Variants in ADCY5 observed in about 807,000 individuals in gnomAD.
ADCY5 encodes adenylate cyclase 5, also known as adenylate cyclase type 5.
A neutral mutation model predicts 119.7 loss-of-function variants in ADCY5; 30 were observed. That is an observed-to-expected ratio of 0.25 (90% CI 0.19 to 0.34). The LOEUF (loss-of-function observed/expected upper bound fraction) is 0.34. ADCY5 is among the 10% of genes least tolerant of loss of function. ADCY5 has a pLI of 1.00. For synonymous variants in ADCY5, 753 were observed against 762.2 expected (o/e 0.99, Z 0.20); for missense variants, 1,324 against 1,775.2 (o/e 0.75, Z 4.57).
At chr3:123,314,875 G>A (rs1203466344) in intron 11 of ADCY5, among the ~76,000 whole-genome samples, 1 of 149,878 alleles carries the variant, frequency 6.7e-6, no homozygotes, top group African/African-American at 2.5e-5. Flanking sequence ...GAATCTCTAA[G>A]CGCCACCCCC....
chr3:123,334,665 G>C (rs1469504789), intron 3 of ADCY5, among the ~76,000 whole-genome samples: 1 of 152,182 alleles, frequency 6.6e-6, no homozygotes, highest in African/African-American at 2.4e-5. Flanking sequence ...TTGAACTCTG[G>C]AGACGGAGGT....
rs78577683 is a variant in ADCY5 at position 123,315,960 on chromosome 3, C to G, written c.2355-1638G>C. On this transcript the variant is annotated intron_variant, in intron 11 of 20. Coordinates refer to ENST00000462833, the MANE Select transcript of ADCY5 (RefSeq NM_183357.3). The stretch of plus-strand genomic sequence containing the variant: ...GGTTTTATGCCAACAAGGACCCCAG[C>G]TCTGCACAGCCTCAGTGCAGGGGTC... Among the ~76,000 whole-genome samples, 120 of 152,300 alleles carry G rather than the reference C, an allele frequency of 7.9e-4. 2 individuals carry two copies. In the East Asian group the frequency reaches 0.02, roughly 26 times the overall value.
chr3:123,297,438 T>G, intron 15 of ADCY5, 56 bp from the exon 16 acceptor site: 3 of 1,578,178 alleles, frequency 1.9e-6, no homozygotes. Flanking sequence ...TAAGGCGGCC[T>G]CCACTCCTGC....
At chr3:123,401,373 A>G (rs1012095749) in intron 1 of ADCY5, among the ~76,000 whole-genome samples, 2 of 152,190 alleles carry the variant, frequency 1.3e-5, no homozygotes, top group African/African-American at 4.8e-5. Flanking sequence ...CCCCATCCAG[A>G]TGGGGAATGG....
At chr3:123,442,234 C>A (rs371839706) in intron 1 of ADCY5, among the ~76,000 whole-genome samples, 4 of 152,316 alleles carry the variant, frequency 2.6e-5, no homozygotes, top group East Asian at 3.9e-4. Context: ...AGGTTGCACC[C>A]ACCACCAAGA....
rs971997126 is a variant in ADCY5, at chr3:123,435,047, G to A, written c.1134+12365C>T. Among the ~76,000 whole-genome samples, 6 of 152,318 alleles carry A rather than the reference G, an allele frequency of 3.9e-5. No individual in the cohort carries two copies. In the East Asian group the frequency reaches 1.2e-3, roughly 29 times the overall value. ...CACCTATAATCCCAGCACTTTGGGA[G>A]GCCAGGGCAGGCAGACTGATGGAGG... On this transcript the variant is annotated intron_variant, in intron 1 of 20. Transcript: ENST00000462833.
At chr3:123,319,348 C>T (rs558385425) in intron 10 of ADCY5, among the ~76,000 whole-genome samples, 136 of 122,422 alleles carry the variant, frequency 1.1e-3, no homozygotes, top group African/African-American at 4.6e-3. Flanking sequence ...AGTGAAACTC[C>T]GTCTCAAAAA....
intron 12 of ADCY5, among the ~76,000 whole-genome samples, chr3:123,311,625 G>A (rs930390117): frequency 2.0e-5 from 3 of 152,198 alleles, no homozygotes; most frequent in South Asian, 2.1e-4. Flanking sequence ...GAGAGGAGGC[G>A]GCGGCAGGGA....
chr3:123,381,471 A>T (rs1944028047), intron 1 of ADCY5, among the ~76,000 whole-genome samples: 1 of 152,246 alleles, frequency 6.6e-6, no homozygotes, highest in Non-Finnish European at 1.5e-5. Context: ...CACGACATTG[A>T]CAGTGAGTAT....
At chr3:123,320,806 A>G in intron 8 of ADCY5, 35 bp from the exon 9 acceptor site, 1 of 1,516,220 alleles carries the variant, frequency 6.6e-7, no homozygotes. Context: ...AAGAGAAGAG[A>G]ATGAGAACAG....
At chr3:123,292,512 C>T (rs77617971) in intron 17 of ADCY5, among the ~76,000 whole-genome samples, 2,529 of 152,244 alleles carry the variant, frequency 0.017, 65 homozygotes, top group African/African-American at 0.054. Context: ...ATCCCGAGGG[C>T]TTCTGGACGC....
At chr3:123,292,259 C>T (rs1187345093) in intron 17 of ADCY5, among the ~76,000 whole-genome samples, 4 of 152,258 alleles carry the variant, frequency 2.6e-5, no homozygotes, top group Non-Finnish European at 5.9e-5. Context: ...AGGACCAGGA[C>T]TGACTCTCAG....
At chr3:123,336,477 C>T (rs916977083) in intron 3 of ADCY5, among the ~76,000 whole-genome samples, 2 of 152,222 alleles carry the variant, frequency 1.3e-5, no homozygotes, top group Non-Finnish European at 1.5e-5. Context: ...TGGTCCACCC[C>T]GAGCCTGAGG....
At chr3:123,348,557 G>C (rs942602377) in intron 2 of ADCY5, among the ~76,000 whole-genome samples, 1 of 152,164 alleles carries the variant, frequency 6.6e-6, no homozygotes, top group African/African-American at 2.4e-5. Context: ...ATGGGGTGGG[G>C]AGGAGGTGCT....
At chr3:123,411,484 C>G (rs1945045839) in intron 1 of ADCY5, among the ~76,000 whole-genome samples, 1 of 152,234 alleles carries the variant, frequency 6.6e-6, no homozygotes, top group South Asian at 2.1e-4. Flanking sequence ...GAGACAGAAA[C>G]TCCTGAGACA....
intron 1 of ADCY5, among the ~76,000 whole-genome samples, chr3:123,369,956 G>C (rs1378291790): frequency 6.6e-6 from 1 of 152,208 alleles, no homozygotes; most frequent in Non-Finnish European, 1.5e-5. Context: ...GGGGTAGGAA[G>C]GGTGACCAGA....
intron 14 of ADCY5, among the ~76,000 whole-genome samples, chr3:123,301,329 CCA>C (rs1361533904): frequency 6.6e-6 from 1 of 152,178 alleles, no homozygotes; most frequent in Non-Finnish European, 1.5e-5. Context: ...GGAAGGACTG[CCA>C]AGGGCCCCTG....
chr3:123,416,907 A>T (rs932054444), intron 1 of ADCY5, among the ~76,000 whole-genome samples: 15 of 152,268 alleles, frequency 9.9e-5, no homozygotes, highest in South Asian at 6.2e-4. Context: ...GGCTCCAGAG[A>T]TATCTCTCGC....
intron 3 of ADCY5, among the ~76,000 whole-genome samples, chr3:123,334,725 T>G (rs1000510737): frequency 6.6e-6 from 1 of 152,090 alleles, no homozygotes; most frequent in South Asian, 2.1e-4. Context: ...GTGACAGAGC[T>G]AGACTGTCTC....
Sources: gnomAD v4.1 joint callset for allele counts (sites outside exome capture counted in the v4.1 genomes callset) on GRCh38, gnomAD v4.1.1 for gene constraint, MANE v1.5 for transcripts, NCBI Gene and HGNC (gene_info 2026-07-23, HGNC 2026-07-21) for gene names.